Variants in GNG4 observed in about 807,000 individuals in gnomAD.
GNG4 encodes the protein guanine nucleotide-binding protein G(I)/G(S)/G(O) subunit gamma-4.
A neutral mutation model predicts 5.8 loss-of-function variants in GNG4; 4 were observed. That is an observed-to-expected ratio of 0.69 (90% CI 0.34 to 1.57). The LOEUF (loss-of-function observed/expected upper bound fraction) is 1.57, where lower values mean the gene tolerates loss of function less well. Ranked by LOEUF, GNG4 falls within the 40% of genes most tolerant of loss-of-function variation. GNG4 has a pLI of 0.06. For missense variants in GNG4, 96 were observed against 95.1 expected, an observed-to-expected ratio of 1.01 and a Z score of -0.04; for synonymous variants, 29 against 32.9, an observed-to-expected ratio of 0.88 and a Z score of 0.41.
intron 3 of GNG4, among the ~76,000 whole-genome samples, chr1:235,564,288 G>C (rs181045473): frequency 8.2e-4 from 125 of 152,258 alleles, no homozygotes; most frequent in African/African-American, 2.9e-3. Context: ...AGGGGTGATG[G>C]GGGGAGGAAG....
At chr1:235,594,362 C>T (rs887720022) in intron 2 of GNG4, among the ~76,000 whole-genome samples, 3 of 152,264 alleles carry the variant, frequency 2.0e-5, no homozygotes, top group Non-Finnish European at 4.4e-5. Flanking sequence ...AGGAGCCCAG[C>T]TGGCTTCACC....
At position 235,602,405 on chromosome 1, in the gene GNG4, C is replaced by T. The variant is rs181065098; in HGVS notation, c.-122-6894G>A. On this transcript the variant is annotated intron_variant, in intron 1 of 3. Coordinates refer to ENST00000391854, the MANE Select transcript of GNG4 (RefSeq NM_001098722.2). ...AGAGAAACAAAACGGAAAGAGCCCACGTCCCCAAATTCCCCCTGGAGCTGA... is the reference window on the plus strand; with the variant it reads ...AGAGAAACAAAACGGAAAGAGCCCATGTCCCCAAATTCCCCCTGGAGCTGA... Among the ~76,000 whole-genome samples the T allele has an allele frequency of 4.6e-5, 7 of 152,006 alleles. No homozygotes were observed. The East Asian group carries it at 7.7e-4, about 17-fold the overall frequency.
At chr1:235,605,921 T>C (rs1688346418) in intron 1 of GNG4, among the ~76,000 whole-genome samples, 1 of 146,360 alleles carries the variant, frequency 6.8e-6, no homozygotes, top group Non-Finnish European at 1.5e-5. Flanking sequence ...AGTAAAAAGA[T>C]TGCTGTTACA....
intron 2 of GNG4, among the ~76,000 whole-genome samples, chr1:235,584,511 A>G (rs927327113): frequency 6.6e-6 from 1 of 152,154 alleles, no homozygotes; most frequent in Non-Finnish European, 1.5e-5. Flanking sequence ...GTTTGTTTTC[A>G]ACAATAAACA....
chr1:235,649,830 C>A (rs1357512889), upstream of GNG4: 1 of 149,790 alleles, frequency 6.7e-6, no homozygotes, highest in Non-Finnish European at 1.5e-5. This position sits in a 1 kb window ranked among gnomAD's most constrained non-coding sequence, Gnocchi z 5.7. Flanking sequence ...ACCGGCCCCG[C>A]CCCGCGCCGC....
intron 2 of GNG4, among the ~76,000 whole-genome samples, chr1:235,587,390 T>G: frequency 1.6e-5 from 1 of 62,136 alleles, no homozygotes; most frequent in Non-Finnish European, 3.0e-5. Flanking sequence ...TGAGCACGTG[T>G]GTGAGCATGT....
intron 1 of GNG4, among the ~76,000 whole-genome samples, chr1:235,602,366 T>C (rs1257442742): frequency 6.6e-6 from 1 of 152,118 alleles, no homozygotes; most frequent in Non-Finnish European, 1.5e-5. Context: ...AGAAGCACAG[T>C]CCTGGGGGAC....
intron 1 of GNG4, among the ~76,000 whole-genome samples, chr1:235,636,424 G>A (rs914044556): frequency 6.6e-5 from 10 of 152,192 alleles, no homozygotes; most frequent in Non-Finnish European, 1.5e-4. Context: ...AAGGTCTAGG[G>A]GAGCCCCGTG....
chr1:235,619,176 T>TAC (rs1553371244), intron 1 of GNG4, among the ~76,000 whole-genome samples: 62 of 110,370 alleles, frequency 5.6e-4, no homozygotes, highest in African/African-American at 1.3e-3. Flanking sequence ...TATATATATA[T>TAC]ACACACACAT....
At chr1:235,613,743 T>C (rs1688530254) in intron 1 of GNG4, among the ~76,000 whole-genome samples, 1 of 152,200 alleles carries the variant, frequency 6.6e-6, no homozygotes, top group Non-Finnish European at 1.5e-5. Flanking sequence ...TGTAATATAA[T>C]AAACTGGTGT....
rs952346593 is a variant in GNG4, at chr1:235,599,687, G to T, written c.-122-4176C>A. On this transcript the variant is annotated intron_variant, in intron 1 of 3. Coordinates refer to ENST00000391854, the MANE Select transcript of GNG4 (RefSeq NM_001098722.2). ...AAAAGTTCTGAGCTAGACCAGCAGG[G>T]CCCAGTCCTGCCTTATGCAGGGTCC... Among the ~76,000 whole-genome samples the T allele has an allele frequency of 3.3e-5, 5 of 152,264 alleles. No homozygotes were observed. In the East Asian group the frequency reaches 7.7e-4, roughly 23 times the overall value.
Position 235,549,065 on chromosome 1 carries a change from C to G in GNG4, c.*3044G>C, listed in dbSNP as rs1439112349. ...AAAATTAGCCGGGTGTGGTGGCGGG[C>G]GCCTGCAATCCCAGCTCCTCGTGAG... On this transcript the variant is annotated 3_prime_UTR_variant, in exon 4 of 4. Transcript: ENST00000391854. The G allele has an allele frequency of 1.3e-5, 2 of 152,298 alleles. No individual in the cohort carries two copies. Among genetic ancestry groups the G allele is most frequent in the Non-Finnish European group, 2.9e-5 (2 of 68,180 alleles). The allele number at this position is 152,298 out of a possible 1,614,324, so 9.4% of individuals were successfully genotyped here. A position where few individuals can be genotyped will look rare whatever the true frequency, so the allele number is the denominator to read the frequency against.
intron 1 of GNG4, among the ~76,000 whole-genome samples, chr1:235,640,754 C>T (rs1394275202): frequency 6.6e-6 from 1 of 152,222 alleles, no homozygotes; most frequent in Admixed American, 6.5e-5. Context: ...GCCACCACCC[C>T]CTGCAGGGCT....
intron 2 of GNG4, among the ~76,000 whole-genome samples, chr1:235,584,398 C>T (rs1687712830): frequency 6.6e-6 from 1 of 152,200 alleles, no homozygotes. Context: ...AATGGCCTCT[C>T]CTAACAATCT....
intron 1 of GNG4, among the ~76,000 whole-genome samples, chr1:235,631,280 C>T (rs1196288081): frequency 6.6e-6 from 1 of 152,208 alleles, no homozygotes; most frequent in East Asian, 1.9e-4. Flanking sequence ...CCCCTCACGC[C>T]CCCTCAGTGG....
chr1:235,592,695 T>G (rs1050814078), intron 2 of GNG4, among the ~76,000 whole-genome samples: 3 of 152,176 alleles, frequency 2.0e-5, no homozygotes, highest in Non-Finnish European at 4.4e-5. Flanking sequence ...AGCCGCCCTT[T>G]TCGGTCAAAA....
At chr1:235,612,565 C>G (rs947236749) in intron 1 of GNG4, among the ~76,000 whole-genome samples, 1 of 152,126 alleles carries the variant, frequency 6.6e-6, no homozygotes, top group Admixed American at 6.6e-5. Flanking sequence ...CACTGTCACC[C>G]AGGCTGGAGT....
At chr1:235,620,770 C>T (rs1254491896) in intron 1 of GNG4, among the ~76,000 whole-genome samples, 1 of 152,182 alleles carries the variant, frequency 6.6e-6, no homozygotes, top group Admixed American at 6.5e-5. Context: ...CTCCTGACCT[C>T]GTGATCCACC....
chr1:235,616,743 T>TGTGC (rs1558498319), intron 1 of GNG4, among the ~76,000 whole-genome samples: 1 of 149,680 alleles, frequency 6.7e-6, no homozygotes, highest in African/African-American at 2.5e-5. Context: ...TGTGTGTGTG[T>TGTGC]GCGCGCGTGT....
Sources: gnomAD v4.1 joint callset for allele counts (sites outside exome capture counted in the v4.1 genomes callset) on GRCh38, gnomAD v4.1.1 for gene constraint, Gnocchi (gnomAD v3.1) non-coding constraint, MANE v1.5 for transcripts, NCBI Gene and HGNC (gene_info 2026-07-23, HGNC 2026-07-21) for gene names.